The following SYT1 variants were observed in gnomAD, a reference collection of about 807,000 sequenced individuals.
The protein encoded by SYT1 is synaptotagmin 1.
In SYT1, 8 loss-of-function variants were observed where a neutral mutation model predicts 44.8. The observed-to-expected ratio is 0.18, with a 90% CI of 0.10 to 0.32. The LOEUF is 0.32. Among genes scored for constraint, SYT1 ranks in the 10% least tolerant of loss-of-function variants. The probability of loss-of-function intolerance (pLI) is 1.00; values close to 1 mark genes in which losing one functional copy is unlikely to be tolerated. For synonymous variants in SYT1, 154 were observed against 188.8 expected (o/e 0.82, Z 1.51); for missense variants, 286 against 509.3 (o/e 0.56, Z 4.22).
At chr12:78,965,058 C>A (rs555614896) in intron 1 of SYT1, among the ~76,000 whole-genome samples, 1 of 151,988 alleles carries the variant, frequency 6.6e-6, no homozygotes, top group African/African-American at 2.4e-5. Context: ...TAAAAATAGG[C>A]CCAATCTGAC....
Position 79,221,543 on chromosome 12 carries a change from C to T in SYT1, c.166+3858C>T, listed in dbSNP as rs567082961. Among the ~76,000 whole-genome samples, 465 of 152,054 alleles carry T rather than the reference C, an allele frequency of 3.1e-3. 1 individual carries two copies. Among genetic ancestry groups the T allele is most frequent in the Middle Eastern group, 0.014 (4 of 294 alleles). On this transcript the variant is annotated intron_variant, in intron 4 of 10. Coordinates refer to ENST00000261205, the MANE Select transcript of SYT1 (RefSeq NM_005639.3). ...TTTTTCTCTAGTGGTATGTCTGATT[C>T]CTTGCTTTTCATTTTTTGTATATCA...
At chr12:78,937,159 T>C (rs1878107949) in intron 1 of SYT1, among the ~76,000 whole-genome samples, 1 of 152,170 alleles carries the variant, frequency 6.6e-6, no homozygotes, top group Admixed American at 6.5e-5. Flanking sequence ...CTGTCTAAAA[T>C]TTAGTCAAGC....
intron 8 of SYT1, among the ~76,000 whole-genome samples, chr12:79,351,535 C>CG (rs1374629652): frequency 7.0e-6 from 1 of 143,512 alleles, no homozygotes; most frequent in African/African-American, 2.6e-5. Context: ...CAGAATTCTG[C>CG]GAAAAAAAAA....
chr12:79,211,054 G>A (rs976856366), intron 3 of SYT1, among the ~76,000 whole-genome samples: 1 of 151,492 alleles, frequency 6.6e-6, no homozygotes, highest in Non-Finnish European at 1.5e-5. Flanking sequence ...AATAATTCAG[G>A]TTTACAATAT....
intron 1 of SYT1, among the ~76,000 whole-genome samples, chr12:78,895,336 C>G (rs972388013): frequency 3.3e-5 from 5 of 151,664 alleles, no homozygotes; most frequent in Non-Finnish European, 7.4e-5. Flanking sequence ...AATTCTTCAA[C>G]TATAATGTTT....
chr12:79,008,510 T>C (rs1356561119), intron 2 of SYT1, among the ~76,000 whole-genome samples: 2 of 152,100 alleles, frequency 1.3e-5, no homozygotes, highest in Non-Finnish European at 2.9e-5. Context: ...ATATTGACTA[T>C]AGGGAGAAAA....
chr12:79,035,245 T>C (rs957486897), intron 2 of SYT1, among the ~76,000 whole-genome samples: 1 of 151,730 alleles, frequency 6.6e-6, no homozygotes, highest in Non-Finnish European at 1.5e-5. Flanking sequence ...TAATTTTCTC[T>C]TCTTCAGTCT....
intron 4 of SYT1, among the ~76,000 whole-genome samples, chr12:79,253,483 G>GTCTCTCTC (rs60179268): frequency 0.016 from 2,127 of 129,414 alleles, 69 homozygotes; most frequent in Non-Finnish European, 0.022. Flanking sequence ...CCATTGCCCA[G>GTCTCTCTC]TCTCTCTCTC....
intron 8 of SYT1, among the ~76,000 whole-genome samples, chr12:79,344,571 G>A (rs144678918): frequency 8.3e-4 from 127 of 152,120 alleles, no homozygotes; most frequent in Non-Finnish European, 1.7e-3. Flanking sequence ...TCCCACCTCA[G>A]CCTCCTGAGT....
chr12:79,212,183 A>G (rs569560504), intron 3 of SYT1, among the ~76,000 whole-genome samples: 11 of 152,282 alleles, frequency 7.2e-5, no homozygotes, highest in African/African-American at 2.6e-4. Flanking sequence ...ATGCAGCTAT[A>G]AAAAAGAATG....
chr12:79,237,070 G>A (rs981156684), intron 4 of SYT1, among the ~76,000 whole-genome samples: 1 of 152,198 alleles, frequency 6.6e-6, no homozygotes, highest in Admixed American at 6.5e-5. Context: ...AGAAAGGCAG[G>A]ACAGAGAGAA....
At chr12:79,188,796 A>T (rs900102873) in intron 3 of SYT1, among the ~76,000 whole-genome samples, 3 of 152,182 alleles carry the variant, frequency 2.0e-5, no homozygotes, top group African/African-American at 7.2e-5. Flanking sequence ...TGAATTAATC[A>T]CTAATGGCTG....
intron 3 of SYT1, among the ~76,000 whole-genome samples, chr12:79,102,531 T>C (rs1878501690): frequency 6.6e-6 from 1 of 152,166 alleles, no homozygotes; most frequent in African/African-American, 2.4e-5. Context: ...ATAACTAAAA[T>C]GCTGTATGGT....
intron 9 of SYT1, among the ~76,000 whole-genome samples, chr12:79,419,985 G>A (rs981685943): frequency 6.6e-6 from 1 of 151,918 alleles, no homozygotes; most frequent in African/African-American, 2.4e-5. Context: ...TTTCATTCTT[G>A]GGATGTATCT....
chr12:79,250,195 G>T (rs1469008879), intron 4 of SYT1, among the ~76,000 whole-genome samples: 1 of 152,228 alleles, frequency 6.6e-6, no homozygotes, highest in East Asian at 1.9e-4. Context: ...GTGAAAGGAG[G>T]ATTCAGGACA....
At chr12:79,179,551 A>AGATATAGATTTAGATATATAGATATG (rs1872377415) in intron 3 of SYT1, among the ~76,000 whole-genome samples, 1 of 134,718 alleles carries the variant, frequency 7.4e-6, no homozygotes, top group Non-Finnish European at 1.6e-5. Context: ...ATAGAGATAT[A>AGATATAGATTTAGATATATAGATATG]GATATAGATT....
chr12:78,946,894 T>C (rs974822220), intron 1 of SYT1, among the ~76,000 whole-genome samples: 2 of 152,148 alleles, frequency 1.3e-5, no homozygotes, highest in Non-Finnish European at 2.9e-5. Flanking sequence ...ATATCCTAGC[T>C]TTGGGATGAA....
chr12:79,320,247 A>G (rs1881290149), intron 8 of SYT1, among the ~76,000 whole-genome samples: 2 of 152,184 alleles, frequency 1.3e-5, no homozygotes, highest in South Asian at 2.1e-4. Flanking sequence ...TTTCCATCCC[A>G]AAACCCTGCT....
intron 4 of SYT1, among the ~76,000 whole-genome samples, chr12:79,256,262 C>T (rs1267961391): frequency 6.6e-6 from 1 of 152,214 alleles, no homozygotes; most frequent in Non-Finnish European, 1.5e-5. Flanking sequence ...TTTGCAATGC[C>T]AATTTTCAAC....
Sources: gnomAD v4.1 joint callset for allele counts (sites outside exome capture counted in the v4.1 genomes callset) on GRCh38, gnomAD v4.1.1 for gene constraint, MANE v1.5 for transcripts, NCBI Gene and HGNC (gene_info 2026-07-23, HGNC 2026-07-21) for gene names.